The following LRRC37A2 variants were observed in gnomAD, a reference collection of about 807,000 sequenced individuals.
The protein encoded by LRRC37A2 is leucine-rich repeat-containing protein 37A2.
LRRC37A2 carries 9 observed loss-of-function variants against 68.8 expected under a neutral mutation model. The observed-to-expected ratio is 0.13, with a 90% CI of 0.08 to 0.23. LRRC37A2 has a LOEUF of 0.23. LRRC37A2 is among the 10% of genes least tolerant of loss of function. LRRC37A2 has a pLI of 1.00. For synonymous variants in LRRC37A2, 63 were observed against 367.6 expected (o/e 0.17, Z 9.48); for missense variants, 168 against 950.4 (o/e 0.18, Z 10.82).
chr17:47,002,842 T>C, the LRRC37A2 span, among the ~76,000 whole-genome samples: 19 of 152,274 alleles, frequency 1.2e-4, no homozygotes, highest in South Asian at 2.1e-3. Context: ...TTCTGTTCCA[T>C]TGTATGAATG....
the LRRC37A2 span, chr17:47,018,861 T>C: frequency 1.3e-6 from 2 of 1,519,516 alleles, no homozygotes; most frequent in Non-Finnish European, 1.8e-6. Context: ...CACTCCAGAA[T>C]CCATGACAGA....
the LRRC37A2 span, chr17:46,935,313 T>G: frequency 6.5e-7 from 1 of 1,530,576 alleles, no homozygotes; most frequent in Non-Finnish European, 8.8e-7. Context: ...TTGGGATCCT[T>G]TCTGTTGGAG....
chr17:46,489,868 G>A, the LRRC37A2 span, among the ~76,000 whole-genome samples: 1 of 151,048 alleles, frequency 6.6e-6, no homozygotes, highest in South Asian at 2.1e-4. Context: ...TACTGACTAG[G>A]CCCAAAGTCC....
At chr17:46,678,313 A>G in the LRRC37A2 span, among the ~76,000 whole-genome samples, 1 of 105,128 alleles carries the variant, frequency 9.5e-6, no homozygotes, top group Admixed American at 1.1e-4. Context: ...AGAGAACTGG[A>G]AACTAAAAAT....
the LRRC37A2 span, chr17:46,935,456 G>C: frequency 5.7e-6 from 8 of 1,391,548 alleles, no homozygotes; most frequent in Non-Finnish European, 6.5e-6. Flanking sequence ...CTACTACGAG[G>C]GGTCCAATCA....
chr17:46,499,581 C>T, the LRRC37A2 span, among the ~76,000 whole-genome samples: 5 of 112,280 alleles, frequency 4.5e-5, no homozygotes, highest in Non-Finnish European at 3.3e-5. Flanking sequence ...ATGATCTGTG[C>T]TCTAAAGGAG....
chr17:46,726,522 A>T, the LRRC37A2 span: 1 of 1,607,936 alleles, frequency 6.2e-7, no homozygotes, highest in Non-Finnish European at 8.5e-7. Flanking sequence ...GGACAGTGAG[A>T]TAATAAATGA....
chr17:46,797,317 G>A, the LRRC37A2 span, among the ~76,000 whole-genome samples: 1 of 152,216 alleles, frequency 6.6e-6, no homozygotes, highest in Non-Finnish European at 1.5e-5. Context: ...GGGAGAGAGT[G>A]GAAGTGAGGC....
the LRRC37A2 span, among the ~76,000 whole-genome samples, chr17:46,884,646 C>T: frequency 6.6e-6 from 1 of 152,322 alleles, no homozygotes; most frequent in African/African-American, 2.4e-5. Flanking sequence ...GAGTGCCTCT[C>T]GTGTGCATTG....
exon 10 of LRRC37A2, chr17:46,549,265 T>A (rs745393732): frequency 9.9e-6 from 16 of 1,611,312 alleles, no homozygotes; most frequent in Non-Finnish European, 5.1e-6. Context: ...TCTGGAAGTA[T>A]CTGCTCCTTC....
chr17:46,765,882 C>T, the LRRC37A2 span, among the ~76,000 whole-genome samples: 6 of 152,284 alleles, frequency 3.9e-5, no homozygotes, highest in East Asian at 7.7e-4. Context: ...CAGGGCTCAG[C>T]GAGGCAGAAG....
the LRRC37A2 span, among the ~76,000 whole-genome samples, chr17:46,619,770 T>TAAA: frequency 1.4e-4 from 3 of 20,872 alleles, no homozygotes; most frequent in African/African-American, 2.1e-4. Flanking sequence ...AGACTCCATC[T>TAAA]AAAAAAAAAA....
chr17:46,530,419 C>A (rs542778794), intron 6 of LRRC37A2, among the ~76,000 whole-genome samples: 1 of 144,422 alleles, frequency 6.9e-6, no homozygotes, highest in Non-Finnish European at 1.5e-5. Flanking sequence ...TGTTACAAAA[C>A]AAGTTAATGG....
the LRRC37A2 span, chr17:46,818,743 C>G: frequency 4.9e-6 from 4 of 819,732 alleles, no homozygotes; most frequent in African/African-American, 5.1e-5. Flanking sequence ...GCCCCCCTCC[C>G]GAGCCCAGCG....
chr17:46,765,477 C>T, the LRRC37A2 span, among the ~76,000 whole-genome samples: 1 of 152,268 alleles, frequency 6.6e-6, no homozygotes, highest in Admixed American at 6.5e-5. Context: ...AGGAAGGACA[C>T]AAGCCATTTG....
chr17:46,894,822 T>C, the LRRC37A2 span, among the ~76,000 whole-genome samples: 1 of 152,216 alleles, frequency 6.6e-6, no homozygotes, highest in Non-Finnish European at 1.5e-5. Flanking sequence ...TTTCAACTTT[T>C]CACTTCTCCC....
the LRRC37A2 span, among the ~76,000 whole-genome samples, chr17:47,005,051 T>C: frequency 6.6e-6 from 1 of 152,214 alleles, no homozygotes; most frequent in East Asian, 1.9e-4. Flanking sequence ...CCATAGGAAG[T>C]GGAATGTAAT....
the LRRC37A2 span, chr17:46,769,664 G>A: frequency 1.4e-6 from 2 of 1,398,534 alleles, no homozygotes; most frequent in East Asian, 2.4e-5. Flanking sequence ...CTGGCCAAGG[G>A]GAAAAGGAGC....
At chr17:46,887,838 C>T in the LRRC37A2 span, among the ~76,000 whole-genome samples, 3 of 152,218 alleles carry the variant, frequency 2.0e-5, no homozygotes, top group African/African-American at 7.2e-5. Flanking sequence ...TACTATGTGC[C>T]AAACACTGTG....
Sources: allele counts gnomAD v4.1 joint callset (sites outside exome capture counted in the v4.1 genomes callset), GRCh38; gene constraint gnomAD v4.1.1; transcripts MANE v1.5; gene names NCBI Gene and HGNC (gene_info 2026-07-23, HGNC 2026-07-21).